Variants in NKAIN2 observed in about 807,000 individuals in gnomAD.
NKAIN2 encodes the protein sodium/potassium-transporting ATPase subunit beta-1-interacting protein 2.
A neutral mutation model predicts 32.6 loss-of-function variants in NKAIN2; 14 were observed. The ratio of observed to expected loss-of-function variants is 0.43; its 90% CI spans 0.28 to 0.67. NKAIN2 has a LOEUF of 0.67. NKAIN2 is among the 30% of genes least tolerant of loss of function. The probability of loss-of-function intolerance (pLI) is 0.17; values close to 1 mark genes in which losing one functional copy is unlikely to be tolerated. For missense variants in NKAIN2, 198 were observed against 258.3 expected (o/e 0.77, Z 1.60); for synonymous variants, 80 against 87.2 (o/e 0.92, Z 0.46).
Position 124,801,554 on chromosome 6 carries a change from A to T in NKAIN2, c.535+10155A>T, listed in dbSNP as rs139423732. 4.5e-3 allele frequency among the ~76,000 whole-genome samples: 690 copies of T among 152,328 alleles called. 4 individuals are homozygous for T. The highest frequency in any genetic ancestry group is 0.016 in the African/African-American group (659 of 41,568). ...CTGAGAGAGATTCTTGTAACAAATA[A>T]TTATTGAGCAACTACTGGGTGGTAG... On this transcript the variant is annotated intron_variant, in intron 5 of 6. Transcript: ENST00000368417.
intron 1 of NKAIN2, among the ~76,000 whole-genome samples, chr6:124,235,400 C>T (rs1238296159): frequency 2.0e-5 from 3 of 151,678 alleles, no homozygotes; most frequent in African/African-American, 7.3e-5. Flanking sequence ...GACAACATCA[C>T]TTCATTTTAT....
At chr6:124,065,392 T>A (rs1425953445) in intron 1 of NKAIN2, among the ~76,000 whole-genome samples, 1 of 152,034 alleles carries the variant, frequency 6.6e-6, no homozygotes, top group Non-Finnish European at 1.5e-5. Flanking sequence ...TCTGAATGTG[T>A]CCCCCAAAAT....
intron 1 of NKAIN2, among the ~76,000 whole-genome samples, chr6:124,113,199 C>T (rs1159506751): frequency 1.3e-5 from 2 of 152,028 alleles, no homozygotes; most frequent in African/African-American, 2.4e-5. Context: ...ATTCTGGTGG[C>T]CTCTATCAAC....
chr6:124,505,700 G>A (rs1243708910), intron 3 of NKAIN2, among the ~76,000 whole-genome samples: 1 of 152,154 alleles, frequency 6.6e-6, no homozygotes, highest in South Asian at 2.1e-4. Flanking sequence ...AGGGGCATAA[G>A]TTTGGGTCCT....
chr6:123,971,383 A>G (rs1369100516), intron 1 of NKAIN2, among the ~76,000 whole-genome samples: 1 of 151,950 alleles, frequency 6.6e-6, no homozygotes, highest in Admixed American at 6.6e-5. Context: ...CTTGTATTTT[A>G]ATACGGATTT....
chr6:124,086,810 G>C (rs1784209245), intron 1 of NKAIN2, among the ~76,000 whole-genome samples: 1 of 151,824 alleles, frequency 6.6e-6, no homozygotes, highest in African/African-American at 2.4e-5. Context: ...AAAACAGAAA[G>C]CACCAGGCCA....
At chr6:124,027,243 G>T (rs1554242540) in intron 1 of NKAIN2, among the ~76,000 whole-genome samples, 1 of 151,264 alleles carries the variant, frequency 6.6e-6, no homozygotes, top group African/African-American at 2.4e-5. Flanking sequence ...GGGTTCAAGC[G>T]ATTCTCCTGC....
intron 4 of NKAIN2, among the ~76,000 whole-genome samples, chr6:124,695,290 C>A (rs1366875529): frequency 6.6e-6 from 1 of 152,018 alleles, no homozygotes; most frequent in Non-Finnish European, 1.5e-5. Context: ...CTTTAGACTG[C>A]AGAAGATTTA....
At chr6:124,442,851 T>C (rs1290041289) in intron 3 of NKAIN2, among the ~76,000 whole-genome samples, 1 of 152,124 alleles carries the variant, frequency 6.6e-6, no homozygotes, top group Non-Finnish European at 1.5e-5. Flanking sequence ...ACCATTAGGC[T>C]TGCTCATCAA....
chr6:124,559,834 A>ATTTTTTTTT (rs55701016), intron 3 of NKAIN2, among the ~76,000 whole-genome samples: 5 of 73,760 alleles, frequency 6.8e-5, no homozygotes, highest in Admixed American at 2.3e-4. Context: ...GAAATAAACC[A>ATTTTTTTTT]TTTTTTTTTT....
At chr6:124,327,800 A>T (rs533040736) in intron 2 of NKAIN2, among the ~76,000 whole-genome samples, 13 of 152,316 alleles carry the variant, frequency 8.5e-5, no homozygotes, top group African/African-American at 2.9e-4. Context: ...TAGAATATGT[A>T]TGTGGATGCA....
intron 3 of NKAIN2, among the ~76,000 whole-genome samples, chr6:124,399,465 G>T (rs1015028153): frequency 1.3e-5 from 2 of 152,152 alleles, no homozygotes; most frequent in Non-Finnish European, 2.9e-5. Flanking sequence ...AGTTTGTAGG[G>T]TTAGAGAAAC....
rs113918446 is a variant in NKAIN2, at chr6:124,637,788, C to T, written c.274-20398C>T. ...GACCCCCAAAAATAAAAAGACATTC[C>T]ATACTCATGGATTGGAAGAATTAAT... On this transcript the variant is annotated intron_variant, in intron 3 of 6. Coordinates refer to ENST00000368417, the MANE Select transcript of NKAIN2 (RefSeq NM_001040214.3). 6.3e-3 allele frequency among the ~76,000 whole-genome samples: 962 copies of T among 152,102 alleles called. 14 individuals are homozygous for T. The highest frequency in any genetic ancestry group is 0.022 in the African/African-American group (922 of 41,512).
chr6:124,710,057 C>T (rs1320005202), intron 4 of NKAIN2, among the ~76,000 whole-genome samples: 2 of 151,994 alleles, frequency 1.3e-5, no homozygotes, highest in East Asian at 3.9e-4. Flanking sequence ...TTTCAAAGAA[C>T]ATCTTTATTT....
At chr6:123,912,106 A>G (rs1775245624) in intron 1 of NKAIN2, among the ~76,000 whole-genome samples, 1 of 151,736 alleles carries the variant, frequency 6.6e-6, no homozygotes, top group Non-Finnish European at 1.5e-5. Context: ...TAGTACACCA[A>G]TTTCCATGTT....
intron 1 of NKAIN2, among the ~76,000 whole-genome samples, chr6:124,129,386 G>A (rs2115002886): frequency 6.6e-6 from 1 of 152,318 alleles, no homozygotes; most frequent in Non-Finnish European, 1.5e-5. Context: ...CATCAGGACA[G>A]ATGTGCCTAC....
At chr6:124,550,035 T>C (rs527803365) in intron 3 of NKAIN2, among the ~76,000 whole-genome samples, 2 of 152,324 alleles carry the variant, frequency 1.3e-5, no homozygotes, top group South Asian at 4.1e-4. Context: ...GAAGCTTACC[T>C]CCATTGGTGG....
At chr6:124,486,706 CT>C (rs1777666320) in intron 3 of NKAIN2, among the ~76,000 whole-genome samples, 2 of 152,092 alleles carry the variant, frequency 1.3e-5, no homozygotes, top group South Asian at 4.1e-4. Context: ...AAAAGGAAAG[CT>C]TATTCCTGGC....
intron 3 of NKAIN2, among the ~76,000 whole-genome samples, chr6:124,516,849 G>A (rs1272487373): frequency 6.6e-6 from 1 of 152,128 alleles, no homozygotes; most frequent in Non-Finnish European, 1.5e-5. Context: ...TCTCAAAGTT[G>A]CATGGGGGCT....
Sources: allele counts gnomAD v4.1 joint callset (sites outside exome capture counted in the v4.1 genomes callset), GRCh38; gene constraint gnomAD v4.1.1; transcripts MANE v1.5; gene names NCBI Gene and HGNC (gene_info 2026-07-23, HGNC 2026-07-21).